The following FBXL5 variants were observed in gnomAD, a reference collection of about 807,000 sequenced individuals.
FBXL5 encodes the protein F-box and leucine rich repeat protein 5, also known as F-box/LRR-repeat protein 5.
FBXL5 carries 26 observed loss-of-function variants against 78.3 expected under a neutral mutation model. The observed-to-expected ratio is 0.33, with a 90% CI of 0.24 to 0.46. FBXL5 has a LOEUF of 0.46. Ranked by LOEUF, FBXL5 falls within the 20% of genes least tolerant of loss-of-function variation. The probability of loss-of-function intolerance (pLI) is 1.00; values close to 1 mark genes in which losing one functional copy is unlikely to be tolerated. For missense variants in FBXL5, 710 were observed against 829.2 expected, an observed-to-expected ratio of 0.86 and a Z score of 1.77; for synonymous variants, 295 against 282.5, an observed-to-expected ratio of 1.04 and a Z score of -0.45.
intron 10 of FBXL5, among the ~76,000 whole-genome samples, chr4:15,611,170 T>C (rs1419705520): frequency 2.6e-5 from 4 of 152,148 alleles, no homozygotes; most frequent in African/African-American, 2.4e-5. Context: ...AGTGCTGATA[T>C]ATCAAGAACA....
intron 1 of FBXL5, among the ~76,000 whole-genome samples, chr4:15,669,395 T>C (rs759260473): frequency 2.0e-5 from 3 of 152,226 alleles, no homozygotes; most frequent in Non-Finnish European, 2.9e-5. Flanking sequence ...ATATATGTAG[T>C]GTTTTGTTAA....
At chr4:15,637,291 A>G (rs1714380220) in intron 4 of FBXL5, among the ~76,000 whole-genome samples, 1 of 152,212 alleles carries the variant, frequency 6.6e-6, no homozygotes, top group South Asian at 2.1e-4. Context: ...CACATTGATA[A>G]TGAAACTTTT....
intron 1 of FBXL5, among the ~76,000 whole-genome samples, chr4:15,653,519 T>C (rs1257370404): frequency 6.6e-6 from 1 of 152,124 alleles, no homozygotes; most frequent in South Asian, 2.1e-4. Context: ...CCTAGGAAAA[T>C]GGACACACGC....
chr4:15,649,578 C>CAAAAAAAAAAAAAA (rs34238482), intron 1 of FBXL5, among the ~76,000 whole-genome samples: 1 of 81,350 alleles, frequency 1.2e-5, no homozygotes, highest in Non-Finnish European at 2.4e-5. Context: ...GACTACGTCT[C>CAAAAAAAAAAAAAA]AAAAAAAAAA....
chr4:15,653,895 G>C (rs1367201297), intron 1 of FBXL5, among the ~76,000 whole-genome samples: 1 of 152,168 alleles, frequency 6.6e-6, no homozygotes, highest in Non-Finnish European at 1.5e-5. Flanking sequence ...TAGTGACCTA[G>C]ACATCAGGAC....
chr4:15,655,143 C>G, intron 1 of FBXL5, 61 bp downstream of exon 1: 2 of 1,293,612 alleles, frequency 1.5e-6, no homozygotes, highest in Non-Finnish European at 2.0e-6. Context: ...GCCCCAAGAA[C>G]CCAGCCCGCT....
chr4:15,638,666 A>G lies in FBXL5; in HGVS notation c.425T>C (p.Phe142Ser). The change falls in exon 4 of 11, where the codon TTT (phenylalanine) becomes TCT (serine). Residue 142 changes from phenylalanine (F) to serine (S), a missense_variant. Around this residue, in one of 4 missense-constraint regions of FBXL5, gnomAD observed 517 missense variants for 542.9 expected, o/e 0.95. Transcript: ENST00000341285. The stretch of plus-strand genomic sequence containing the variant: ...AATATCCTTAAGCTCTTCATAGGTA[A>G]AATATTCCATTAACATGGGCTGAAA... ...EVFQPMLMEY[F>S]TYEELKDIKK... The G allele has an allele frequency of 6.2e-7, 1 of 1,600,598 alleles. No individual in the cohort carries two copies. The highest frequency in any genetic ancestry group is 8.5e-7 in the Non-Finnish European group (1 of 1,176,226).
chr4:15,674,808 C>G (rs1212120941), intron 1 of FBXL5, among the ~76,000 whole-genome samples: 2 of 152,122 alleles, frequency 1.3e-5, no homozygotes, highest in African/African-American at 2.4e-5. Flanking sequence ...TGCCACCATG[C>G]CTGGCTAATT....
At chr4:15,645,334 G>C (rs1394184551) in intron 1 of FBXL5, among the ~76,000 whole-genome samples, 1 of 152,164 alleles carries the variant, frequency 6.6e-6, no homozygotes, top group Non-Finnish European at 1.5e-5. Flanking sequence ...TGCATTTTAA[G>C]AGTCATAGTG....
chr4:15,656,247 C>G (rs1001145767), upstream of FBXL5: 1 of 456,220 alleles, frequency 2.2e-6, no homozygotes, highest in East Asian at 6.9e-5. Flanking sequence ...ATGTCTGCCT[C>G]TTTCCCATAA....
chr4:15,644,413 A>T (rs1463595448), intron 2 of FBXL5, 80 bp downstream of exon 2: 2 of 1,130,388 alleles, frequency 1.8e-6, no homozygotes, highest in Non-Finnish European at 2.6e-6. Context: ...ATTTACTATA[A>T]AACAGTGACA....
upstream of FBXL5, among the ~76,000 whole-genome samples, chr4:15,660,644 G>A (rs1230384736): frequency 6.6e-6 from 1 of 152,156 alleles, no homozygotes; most frequent in Non-Finnish European, 1.5e-5. Flanking sequence ...CGACTGTAAA[G>A]ACTTGGTCTG....
Position 15,625,252 on chromosome 4 carries a change from C to G in FBXL5, c.1850G>C (p.Arg617Thr). 6.2e-7 allele frequency: 1 copy of G among 1,601,774 alleles called. No individual in the cohort carries two copies. The highest frequency in any genetic ancestry group is 1.7e-5 in the Admixed American group (1 of 58,308). Reference protein sequence around the residue: ...GCYQITDHGLRVLTLGGGLPY... With the variant: ...GCYQITDHGLTVLTLGGGLPY... ...TAATATTCTGGAACTGATAACTCAC[C>G]TGAGACCATGGTCTGTGATCTGATA... Residue 617 changes from arginine to threonine, a missense_variant and splice_region_variant, in exon 9 of 11, where the codon AGG becomes ACG. Arg to Thr is a moderately conservative substitution (Grantham distance 71). Transcript: ENST00000341285.
At chr4:15,629,123 A>G (rs1044544392) in intron 6 of FBXL5, among the ~76,000 whole-genome samples, 1 of 152,118 alleles carries the variant, frequency 6.6e-6, no homozygotes, top group African/African-American at 2.4e-5. Flanking sequence ...CCAAACCGAA[A>G]AAAGCACTGA....
intron 1 of FBXL5, 37 bp downstream of exon 1, chr4:15,655,167 C>T: frequency 7.4e-7 from 1 of 1,350,208 alleles, no homozygotes; most frequent in East Asian, 3.5e-5. Context: ...CATCGCCGCC[C>T]GCACCGCCCA....
At chr4:15,662,833 A>G (rs1717377306), upstream of FBXL5, among the ~76,000 whole-genome samples, 1 of 152,192 alleles carries the variant, frequency 6.6e-6, no homozygotes, top group African/African-American at 2.4e-5. Context: ...AGAATAGTGA[A>G]CAAGTTTGTG....
chr4:15,636,499 G>A lies in FBXL5; in HGVS notation c.761C>T (p.Ala254Val), dbSNP rs1413135393. ...TTAAAAACCCATTTACCTACCTCTG[G>A]CCCAATGAACAGGGTAAAGATGTTT... ...LWKHLYPVHW[A>V]RGDWYSGPAT... The change falls in exon 5 of 11, where the codon GCC becomes GTC. Residue 254 changes from alanine (A) to valine (V), a missense_variant. By Grantham distance (64) the Ala-to-Val change is moderately conservative. Coordinates refer to ENST00000341285, the MANE Select transcript of FBXL5 (RefSeq NM_012161.4). 1.3e-6 allele frequency: 2 copies of A among 1,581,550 alleles called. No homozygotes were observed. Among genetic ancestry groups the A allele is most frequent in the East Asian group, 4.5e-5 (2 of 44,254 alleles).
intron 1 of FBXL5, among the ~76,000 whole-genome samples, chr4:15,645,409 C>G (rs1342243416): frequency 6.6e-6 from 1 of 151,978 alleles, no homozygotes; most frequent in East Asian, 1.9e-4. Flanking sequence ...AACTGTGTAA[C>G]CCTGGGTAAG....
At chr4:15,675,154 A>AT (rs140903559) in intron 1 of FBXL5, among the ~76,000 whole-genome samples, 1 of 152,056 alleles carries the variant, frequency 6.6e-6, no homozygotes, top group African/African-American at 2.4e-5. Context: ...CACATCATTG[A>AT]TTTTTTATGT....
Sources: gnomAD v4.1 joint callset for allele counts (sites outside exome capture counted in the v4.1 genomes callset) on GRCh38, gnomAD v4.1.1 for gene constraint, gnomAD v4.1.1 regional missense constraint, MANE v1.5 for transcripts, NCBI Gene and HGNC (gene_info 2026-07-23, HGNC 2026-07-21) for gene names.